Variants in OR4C46 observed in about 807,000 individuals in gnomAD.
OR4C46 encodes the protein olfactory receptor 4C46.
Under a neutral mutation model 11.8 loss-of-function variants are expected in OR4C46, and 17 were observed. That is an observed-to-expected ratio of 1.44 (90% CI 0.98 to 2.16). The LOEUF is 2.16. Ranked by LOEUF, OR4C46 falls within the 30% of genes most tolerant of loss-of-function variation. The pLI is 0.00. For synonymous variants in OR4C46, 224 were observed against 137.6 expected (o/e 1.63, Z -4.39); for missense variants, 606 against 372.1 (o/e 1.63, Z -5.17).
Position 54,603,656 on chromosome 11 carries a change from C to G in OR4C46, c.343G>C (p.Val115Leu). 1.2e-6 allele frequency: 2 copies of G among 1,614,058 alleles called. No homozygotes were observed. The highest frequency in any genetic ancestry group is 1.7e-6 in the Non-Finnish European group (2 of 1,179,960). Residue 115 changes from valine (V) to leucine (L), a missense_variant, in exon 1 of 1, where the codon GTG becomes CTG. Transcript: ENST00000328188. ...FGGAEGILLT[V>L]MAYDHYVAIC... ...GCCACATAGTGGTCATAGGCCATCA[C>G]AGTAAGTAGGATGCCCTCTGCACCT... is the stretch of plus-strand genomic sequence containing the variant.
At position 54,603,585 on chromosome 11, in the gene OR4C46, C is replaced by A; in HGVS notation, c.414G>T (p.Val138=). Residue 138 remains valine (V), a synonymous_variant, in exon 1 of 1, where the codon GTG becomes GTT. Coordinates refer to ENST00000328188, the MANE Select transcript of OR4C46 (RefSeq NM_001004703.1). ...LHYMTIMNQC[V]CALLMGVVWM... is the part of the protein sequence containing the mutation. Reference sequence around the variant, plus strand: ...ACACCACTCCCATTAGCAGGGCACACACACACTGGTTCATGATAGTCATAT... The same window carrying A: ...ACACCACTCCCATTAGCAGGGCACAAACACACTGGTTCATGATAGTCATAT... The A allele has an allele frequency of 2.5e-6, 4 of 1,614,130 alleles. No individual in the cohort carries two copies. Among genetic ancestry groups the A allele is most frequent in the Non-Finnish European group, 3.4e-6 (4 of 1,179,992 alleles).
rs527653530 is a variant in OR4C46, at chr11:54,603,882, T to G, written c.117A>C (p.Gly39=). 1 of 1,613,652 alleles carries G rather than the reference T, an allele frequency of 6.2e-7. No individual in the cohort carries two copies. The highest frequency in any genetic ancestry group is 1.7e-5 in the Admixed American group (1 of 59,998). The change falls in exon 1 of 1, where the codon GGA becomes GGC. Residue 39 remains glycine (G), a synonymous_variant. Coordinates refer to ENST00000328188, the MANE Select transcript of OR4C46 (RefSeq NM_001004703.1). ...TGATGGTGACCACAATGAGCACATATCCCACCACAGTGATGATATAGATGA... is the reference window on the plus strand; with the variant it reads ...TGATGGTGACCACAATGAGCACATAGCCCACCACAGTGATGATATAGATGA... ...FFVIYIITVV[G]YVLIVVTITA...
chr11:54,603,654 C>A lies in OR4C46; in HGVS notation c.345G>T (p.Val115=). The A allele has an allele frequency of 6.2e-7, 1 of 1,614,104 alleles. No individual in the cohort carries two copies. Among genetic ancestry groups the A allele is most frequent in the Non-Finnish European group, 8.5e-7 (1 of 1,180,004 alleles). ...FGGAEGILLT[V]MAYDHYVAIC... is the part of the protein sequence containing the mutation. ...TGGCCACATAGTGGTCATAGGCCAT[C>A]ACAGTAAGTAGGATGCCCTCTGCAC... Residue 115 remains valine (V), a synonymous_variant, in exon 1 of 1, where the codon GTG becomes GTT. Coordinates refer to ENST00000328188, the MANE Select transcript of OR4C46 (RefSeq NM_001004703.1).
In OR4C46 at chr11:54,603,766, T is replaced by C. The variant is rs777097476; in HGVS notation, c.233A>G (p.Asn78Ser). 1.9e-6 allele frequency: 3 copies of C among 1,613,764 alleles called. No individual in the cohort carries two copies. The highest frequency in any genetic ancestry group is 1.7e-6 in the Non-Finnish European group (2 of 1,179,786). Reference sequence around the variant, plus strand: ...TCCATAGAGTGAATGTGTGATCAGGTTAGGGGTATTGACAGAGGAATAGCA... The same window carrying C: ...TCCATAGAGTGAATGTGTGATCAGGCTAGGGGTATTGACAGAGGAATAGCA... ...DACYSSVNTP[N>S]LITHSLYGKK... The change falls in exon 1 of 1, where the codon AAC (asparagine) becomes AGC (serine). Residue 78 changes from asparagine to serine, a missense_variant. Transcript: ENST00000328188.
rs1308431987 is a variant in OR4C46 at position 54,603,987 on chromosome 11, C to A, written c.12G>T (p.Arg4Ser). 6.2e-7 allele frequency: 1 copy of A among 1,610,698 alleles called. No homozygotes were observed. Among genetic ancestry groups the A allele is most frequent in the Admixed American group, 1.7e-5 (1 of 59,986 alleles). The change falls in exon 1 of 1, where the codon AGG (arginine) becomes AGT (serine). Residue 4 changes from arginine to serine, a missense_variant. By Grantham distance (110) the Arg-to-Ser change is moderately radical (BLOSUM62 -1). Transcript: ENST00000328188. Reference protein sequence around the residue: MENRNNMTEFVLLG... With the variant: MENSNNMTEFVLLG... Reference sequence around the variant, plus strand: ...GCAAAACAAACTCTGTCATGTTATTCCTATTCTCCATGTATTTCTCATGAT... The same window carrying A: ...GCAAAACAAACTCTGTCATGTTATTACTATTCTCCATGTATTTCTCATGAT...
In OR4C46 at chr11:54,603,687, G is replaced by A; in HGVS notation, c.312C>T (p.Phe104=). The A allele has an allele frequency of 6.2e-7, 1 of 1,614,098 alleles. No homozygotes were observed. Among genetic ancestry groups the A allele is most frequent in the Non-Finnish European group, 8.5e-7 (1 of 1,179,960 alleles). The change falls in exon 1 of 1, where the codon TTC becomes TTT. Residue 104 remains phenylalanine (F), a synonymous_variant. Coordinates refer to ENST00000328188, the MANE Select transcript of OR4C46 (RefSeq NM_001004703.1). ...GCMTQVFGEH[F]FGGAEGILLT... ...GTAGGATGCCCTCTGCACCTCCGAA[G>A]AAATGTTCTCCAAAGACTTGAGTCA... is the stretch of plus-strand genomic sequence containing the variant.
rs1319652976 is a variant in OR4C46, at chr11:54,603,920, C to T, written c.79G>A (p.Val27Ile). 1.2e-6 allele frequency: 2 copies of T among 1,613,762 alleles called. No homozygotes were observed. The highest frequency in any genetic ancestry group is 1.7e-5 in the Admixed American group (1 of 59,992). The change falls in exon 1 of 1, where the codon GTT (valine) becomes ATT (isoleucine). Residue 27 changes from valine to isoleucine, a missense_variant. Val to Ile is a conservative substitution (Grantham distance 29). Transcript: ENST00000328188. ...ENPKMQKIIF[V>I]VFFVIYIITV... ...ATGATATAGATGACAAAAAACACAA[C>T]AAATATGATTTTCTGCATCTTTGGA...
chr11:54,603,442 G>A lies in OR4C46; in HGVS notation c.557C>T (p.Ala186Val), dbSNP rs1286387780. Residue 186 changes from alanine to valine, a missense_variant, in exon 1 of 1, where the codon GCC (alanine) becomes GTC (valine). By Grantham distance (64) the Ala-to-Val change is moderately conservative (BLOSUM62 0). Coordinates refer to ENST00000328188, the MANE Select transcript of OR4C46 (RefSeq NM_001004703.1). ...MCDLNPLLNL[A>V]CTDTHMLELF... ...TTCCAGCATATGGGTGTCAGTGCAG[G>A]CGAGGTTGAGCAAAGGGTTCAGATC... is the stretch of plus-strand genomic sequence containing the variant. 5.0e-6 allele frequency: 8 copies of A among 1,613,628 alleles called. No individual in the cohort carries two copies. Among genetic ancestry groups the A allele is most frequent in the South Asian group, 1.1e-5 (1 of 91,054 alleles).
Position 54,603,487 on chromosome 11 carries a change from A to G in OR4C46, c.512T>C (p.Val171Ala), listed in dbSNP as rs1862992606. The G allele has an allele frequency of 2.5e-6, 4 of 1,613,556 alleles. No individual in the cohort carries two copies. Among genetic ancestry groups the G allele is most frequent in the African/African-American group, 1.3e-5 (1 of 74,894 alleles). Reference protein sequence around the residue: ...IFQLPFCGPNVIDHFMCDLNP... With the variant: ...IFQLPFCGPNAIDHFMCDLNP... ...CAGATCACACATAAAGTGATCTATG[A>G]CATTAGGACCACAGAAAGGTAATTG... The change falls in exon 1 of 1, where the codon GTC (valine) becomes GCC (alanine). Residue 171 changes from valine (V) to alanine (A), a missense_variant. Coordinates refer to ENST00000328188, the MANE Select transcript of OR4C46 (RefSeq NM_001004703.1).
rs1453858559 is a variant in OR4C46 at position 54,603,877 on chromosome 11, A to G, written c.122T>C (p.Val41Ala). 5 of 1,613,658 alleles carry G rather than the reference A, an allele frequency of 3.1e-6. No homozygotes were observed. In the East Asian group the frequency reaches 1.1e-4, roughly 36 times the overall value. The change falls in exon 1 of 1, where the codon GTG (valine) becomes GCG (alanine). Residue 41 changes from valine to alanine, a missense_variant. By Grantham distance (64) the Val-to-Ala change is moderately conservative (BLOSUM62 0). Coordinates refer to ENST00000328188, the MANE Select transcript of OR4C46 (RefSeq NM_001004703.1). ...GGCAGTGATGGTGACCACAATGAGC[A>G]CATATCCCACCACAGTGATGATATA... ...VIYIITVVGY[V>A]LIVVTITASP...
At position 54,603,429 on chromosome 11, in the gene OR4C46, G is replaced by T; in HGVS notation, c.570C>A (p.Thr190=). ...CAGCAATGAAGAGTTCCAGCATATG[G>T]GTGTCAGTGCAGGCGAGGTTGAGCA... ...NPLLNLACTD[T]HMLELFIAAN... is the part of the protein sequence containing the mutation. The change falls in exon 1 of 1, where the codon ACC becomes ACA. Residue 190 remains threonine (T), a synonymous_variant. Coordinates refer to ENST00000328188, the MANE Select transcript of OR4C46 (RefSeq NM_001004703.1). The T allele has an allele frequency of 1.2e-6, 2 of 1,613,742 alleles. No individual in the cohort carries two copies. The highest frequency in any genetic ancestry group is 1.7e-6 in the Non-Finnish European group (2 of 1,179,754).
Position 54,603,482 on chromosome 11 carries a change from C to G in OR4C46, c.517G>C (p.Asp173His). 1.9e-6 allele frequency: 3 copies of G among 1,613,670 alleles called. No homozygotes were observed. Among genetic ancestry groups the G allele is most frequent in the Non-Finnish European group, 2.5e-6 (3 of 1,179,732 alleles). Residue 173 changes from aspartate (D) to histidine (H), a missense_variant, in exon 1 of 1, where the codon GAT becomes CAT. Asp to His is a moderately conservative substitution (Grantham distance 81, BLOSUM62 -1). Transcript: ENST00000328188. ...GGGTTCAGATCACACATAAAGTGAT[C>G]TATGACATTAGGACCACAGAAAGGT... is the stretch of plus-strand genomic sequence containing the variant. ...QLPFCGPNVI[D>H]HFMCDLNPLL... is the part of the protein sequence containing the mutation.
Position 54,603,957 on chromosome 11 carries a change from C to T in OR4C46, c.42G>A (p.Gly14=), listed in dbSNP as rs780976603. 5 of 1,613,670 alleles carry T rather than the reference C, an allele frequency of 3.1e-6. No homozygotes were observed. The highest frequency in any genetic ancestry group is 4.2e-6 in the Non-Finnish European group (5 of 1,179,702). The change falls in exon 1 of 1, where the codon GGG becomes GGA. Residue 14 remains glycine (G), a synonymous_variant. Coordinates refer to ENST00000328188, the MANE Select transcript of OR4C46 (RefSeq NM_001004703.1). ...RNNMTEFVLL[G]LTENPKMQKI... is the part of the protein sequence containing the mutation. ...TCTGCATCTTTGGATTCTCTGTAAGCCCCAGCAAAACAAACTCTGTCATGT... is the reference window on the plus strand; with the variant it reads ...TCTGCATCTTTGGATTCTCTGTAAGTCCCAGCAAAACAAACTCTGTCATGT...
chr11:54,603,657 A>T lies in OR4C46; in HGVS notation c.342T>A (p.Thr114=). ...CCACATAGTGGTCATAGGCCATCAC[A>T]GTAAGTAGGATGCCCTCTGCACCTC... The part of the protein sequence containing the change: ...FFGGAEGILL[T]VMAYDHYVAI... The change falls in exon 1 of 1, where the codon ACT becomes ACA. Residue 114 remains threonine, a synonymous_variant. Transcript: ENST00000328188. 2.5e-6 allele frequency: 4 copies of T among 1,614,120 alleles called. No individual in the cohort carries two copies. Among genetic ancestry groups the T allele is most frequent in the Non-Finnish European group, 3.4e-6 (4 of 1,179,970 alleles).
rs772732329 is a variant in OR4C46, at chr11:54,603,883, C to G, written c.116G>C (p.Gly39Ala). 6 of 1,613,672 alleles carry G rather than the reference C, an allele frequency of 3.7e-6. No individual in the cohort carries two copies. Among genetic ancestry groups the G allele is most frequent in the Non-Finnish European group, 4.2e-6 (5 of 1,179,782 alleles). ...GATGGTGACCACAATGAGCACATAT[C>G]CCACCACAGTGATGATATAGATGAC... ...FFVIYIITVV[G>A]YVLIVVTITA... The change falls in exon 1 of 1, where the codon GGA becomes GCA. Residue 39 changes from glycine (G) to alanine (A), a missense_variant. By Grantham distance (60) the Gly-to-Ala change is moderately conservative. Transcript: ENST00000328188.
In OR4C46 at chr11:54,603,983, T is replaced by A. The variant is rs757308478; in HGVS notation, c.16A>T (p.Asn6Tyr). 60 of 1,611,492 alleles carry A rather than the reference T, an allele frequency of 3.7e-5. No homozygotes were observed. The Middle Eastern group carries it at 4.9e-4, about 13-fold the overall frequency. The change falls in exon 1 of 1, where the codon AAC (asparagine) becomes TAC (tyrosine). Residue 6 changes from asparagine to tyrosine, a missense_variant. By Grantham distance (143) the Asn-to-Tyr change is moderately radical. Transcript: ENST00000328188. MENRN[N>Y]MTEFVLLGLT... Reference sequence around the variant, plus strand: ...CCCAGCAAAACAAACTCTGTCATGTTATTCCTATTCTCCATGTATTTCTCA... The same window carrying A: ...CCCAGCAAAACAAACTCTGTCATGTAATTCCTATTCTCCATGTATTTCTCA...
Position 54,603,092 on chromosome 11 carries a change from T to C in OR4C46, c.907A>G (p.Lys303Glu). 1 of 1,535,152 alleles carries C rather than the reference T, an allele frequency of 6.5e-7. No homozygotes were observed. The stretch of plus-strand genomic sequence containing the variant: ...ATTTATTTGTCACCTGAAATGTCCT[T>C]TCTACTACACAATTTCCTGATGGCA... ...KNAIRKLCSR[K>E]DISGDK Residue 303 changes from lysine to glutamate, a missense_variant, in exon 1 of 1, where the codon AAG becomes GAG. Coordinates refer to ENST00000328188, the MANE Select transcript of OR4C46 (RefSeq NM_001004703.1).
chr11:54,603,220 G>A lies in OR4C46; in HGVS notation c.779C>T (p.Ala260Val), dbSNP rs749744998. ...VPCIFVYMRP[A>V]ATLPIDKAVA... ...TGCTTTATCAATAGGTAAAGTAGCT[G>A]CAGGTCTCATGTACACAAATATGCA... Residue 260 changes from alanine to valine, a missense_variant, in exon 1 of 1, where the codon GCA becomes GTA. Coordinates refer to ENST00000328188, the MANE Select transcript of OR4C46 (RefSeq NM_001004703.1). 3 of 1,609,920 alleles carry A rather than the reference G, an allele frequency of 1.9e-6. No homozygotes were observed. In the Admixed American group the frequency reaches 5.0e-5, roughly 27 times the overall value.
At position 54,603,818 on chromosome 11, in the gene OR4C46, G is replaced by T. The variant is rs781002166; in HGVS notation, c.181C>A (p.Leu61Met). The T allele has an allele frequency of 4.3e-6, 7 of 1,613,696 alleles. No individual in the cohort carries two copies. Among genetic ancestry groups the T allele is most frequent in the Non-Finnish European group, 5.9e-6 (7 of 1,179,800 alleles). The change falls in exon 1 of 1, where the codon CTG becomes ATG. Residue 61 changes from leucine (L) to methionine (M), a missense_variant. Physicochemically the swap from Leu to Met is conservative, Grantham distance 15 (BLOSUM62 2). Coordinates refer to ENST00000328188, the MANE Select transcript of OR4C46 (RefSeq NM_001004703.1). ...PSLGSPMYLSLAYLSFIDACY... is the reference protein window; with the variant it reads ...PSLGSPMYLSMAYLSFIDACY... ...GCATCAATAAAGGAGAGATAGGCCA[G>T]GGAAAGGTACATGGGGGACCCCAGT...
Sources: allele counts gnomAD v4.1 joint callset, GRCh38; gene constraint gnomAD v4.1.1; transcripts MANE v1.5; gene names NCBI Gene and HGNC (gene_info 2026-07-23, HGNC 2026-07-21).